Variants in GALNTL6 observed in about 807,000 individuals in gnomAD.
GALNTL6 encodes polypeptide N-acetylgalactosaminyltransferase-like 6.
GALNTL6 carries 46 observed loss-of-function variants against 73.7 expected under a neutral mutation model. The ratio of observed to expected loss-of-function variants is 0.62; its 90% CI spans 0.49 to 0.80. GALNTL6 has a LOEUF of 0.80. GALNTL6 is among the 30% of genes least tolerant of loss of function. The pLI, the probability that GALNTL6 is intolerant of heterozygous loss-of-function variation, is 0.00. For synonymous variants in GALNTL6, 259 were observed against 263.7 expected (o/e 0.98, Z 0.17); for missense variants, 604 against 755.0 (o/e 0.80, Z 2.34).
intron 5 of GALNTL6, among the ~76,000 whole-genome samples, chr4:172,357,675 C>CAT (rs5864130): frequency 0.95 from 143,164 of 149,984 alleles, 68,491 homozygotes; most frequent in East Asian, 1. Context: ...ACACGGAATT[C>CAT]ATATATATAT....
At chr4:172,405,313 ATACT>A (rs1744169160) in intron 5 of GALNTL6, among the ~76,000 whole-genome samples, 1 of 147,662 alleles carries the variant, frequency 6.8e-6, no homozygotes, top group African/African-American at 2.5e-5. Context: ...TATATACTTA[ATACT>A]TATATATATA....
chr4:172,271,026 C>T (rs1464813574), intron 3 of GALNTL6, among the ~76,000 whole-genome samples: 1 of 152,058 alleles, frequency 6.6e-6, no homozygotes, highest in Admixed American at 6.6e-5. Context: ...CCCAGACAGT[C>T]TGAAGTAGTT....
intron 2 of GALNTL6, among the ~76,000 whole-genome samples, chr4:172,103,855 T>C (rs1732593339): frequency 6.6e-6 from 1 of 152,200 alleles, no homozygotes; most frequent in Non-Finnish European, 1.5e-5. Context: ...CCTGATCCCC[T>C]CTTGGGCCTC....
intron 5 of GALNTL6, among the ~76,000 whole-genome samples, chr4:172,634,744 A>G (rs1739583591): frequency 6.6e-6 from 1 of 152,206 alleles, no homozygotes; most frequent in African/African-American, 2.4e-5. Flanking sequence ...CCTGTTTTGT[A>G]CCAAGAATTA....
At chr4:171,908,301 A>G (rs1378970585) in intron 2 of GALNTL6, among the ~76,000 whole-genome samples, 2 of 141,792 alleles carry the variant, frequency 1.4e-5, no homozygotes, top group African/African-American at 6.2e-5. Context: ...ATTTACAAGA[A>G]AAAAAACAAA....
intron 2 of GALNTL6, among the ~76,000 whole-genome samples, chr4:172,074,440 C>T (rs1394437887): frequency 2.0e-5 from 3 of 152,176 alleles, no homozygotes; most frequent in Non-Finnish European, 4.4e-5. Context: ...AGTGACATCT[C>T]GTGTCACAAT....
intron 5 of GALNTL6, among the ~76,000 whole-genome samples, chr4:172,371,935 TC>T (rs1267223970): frequency 6.6e-6 from 1 of 152,216 alleles, no homozygotes; most frequent in African/African-American, 2.4e-5. Context: ...GAACCCCCTT[TC>T]TTTCCATATT....
chr4:172,805,286 G>A (rs1047256071), intron 5 of GALNTL6, among the ~76,000 whole-genome samples: 3 of 152,018 alleles, frequency 2.0e-5, no homozygotes, highest in Non-Finnish European at 4.4e-5. Flanking sequence ...CTAATGAATG[G>A]TTATTCTCCA....
At position 173,024,119 on chromosome 4, in the gene GALNTL6, ACTAATACACAGAG is replaced by A. The variant is rs543998255; in HGVS notation, c.1638+2497_1638+2509del. On this transcript the variant is annotated intron_variant, in intron 12 of 12. Coordinates refer to ENST00000506823, the MANE Select transcript of GALNTL6 (RefSeq NM_001034845.3). ...AAAAGTTTACAGATGGATAAGAACAACTAATACACAGAGCTCCTGGGGAGAAAAAAAACTGGCT... is the reference window on the plus strand; with the variant it reads ...AAAAGTTTACAGATGGATAAGAACAACTCCTGGGGAGAAAAAAAACTGGCT... Among the ~76,000 whole-genome samples, 26 of 152,328 alleles carry A rather than the reference ACTAATACACAGAG, an allele frequency of 1.7e-4. No individual in the cohort carries two copies. In the Middle Eastern group the frequency reaches 0.01, roughly 60 times the overall value.
chr4:172,758,829 A>G (rs1737902513), intron 5 of GALNTL6, among the ~76,000 whole-genome samples: 1 of 152,202 alleles, frequency 6.6e-6, no homozygotes, highest in African/African-American at 2.4e-5. Flanking sequence ...CTGAGTTATC[A>G]GATCATAGTA....
At chr4:172,488,009 G>A (rs1379514816) in intron 5 of GALNTL6, among the ~76,000 whole-genome samples, 3 of 152,056 alleles carry the variant, frequency 2.0e-5, no homozygotes, top group Admixed American at 2.0e-4. Context: ...TTATTATTTT[G>A]AATAATGATA....
chr4:171,842,563 G>A (rs1038018412), intron 2 of GALNTL6, among the ~76,000 whole-genome samples: 3 of 152,046 alleles, frequency 2.0e-5, no homozygotes, highest in Non-Finnish European at 4.4e-5. Context: ...CTTCTGGTGA[G>A]GCCTCAGGAA....
chr4:172,034,639 G>A (rs975260185), intron 2 of GALNTL6, among the ~76,000 whole-genome samples: 2 of 151,994 alleles, frequency 1.3e-5, no homozygotes, highest in Non-Finnish European at 2.9e-5. Flanking sequence ...CAAGCAAAAT[G>A]TTTCCAAGTC....
chr4:172,673,360 T>A (rs1732097572), intron 5 of GALNTL6, among the ~76,000 whole-genome samples: 1 of 152,196 alleles, frequency 6.6e-6, no homozygotes, highest in Admixed American at 6.5e-5. Flanking sequence ...TTTCGGTTCT[T>A]TTGCATTTGC....
At chr4:172,647,117 G>T (rs970623892) in intron 5 of GALNTL6, among the ~76,000 whole-genome samples, 6 of 152,024 alleles carry the variant, frequency 3.9e-5, no homozygotes, top group Admixed American at 2.0e-4. Context: ...CACCACACAA[G>T]ATGTCCTTAA....
Position 172,876,689 on chromosome 4 carries a change from T to TA in GALNTL6, c.924-6095dup, listed in dbSNP as rs553169515. 2.2e-4 allele frequency among the ~76,000 whole-genome samples: 34 copies of TA among 152,262 alleles called. No homozygotes were observed. The East Asian group carries it at 2.3e-3, about 10-fold the overall frequency. On this transcript the variant is annotated intron_variant, in intron 7 of 12. Transcript: ENST00000506823. ...GACACCATAAAAAGTAAACAAATTATAAAAAATGGTAATTTCTAGACATGA... is the reference window on the plus strand; with the variant it reads ...GACACCATAAAAAGTAAACAAATTATAAAAAAATGGTAATTTCTAGACATGA...
chr4:172,512,490 G>T (rs1399600515), intron 5 of GALNTL6, among the ~76,000 whole-genome samples: 1 of 152,028 alleles, frequency 6.6e-6, no homozygotes, highest in Non-Finnish European at 1.5e-5. Context: ...GCTAGTTGTT[G>T]CTTGAATACT....
intron 5 of GALNTL6, among the ~76,000 whole-genome samples, chr4:172,364,281 A>G (rs1164989603): frequency 1.3e-5 from 2 of 152,096 alleles, no homozygotes; most frequent in African/African-American, 2.4e-5. Flanking sequence ...AAGTTAGTCC[A>G]TTCTGGTGGC....
intron 5 of GALNTL6, among the ~76,000 whole-genome samples, chr4:172,452,026 A>C (rs2111423900): frequency 6.6e-6 from 1 of 152,270 alleles, no homozygotes; most frequent in Non-Finnish European, 1.5e-5. Context: ...TAAATAAATA[A>C]AATTTTAAAA....
Sources: gnomAD v4.1 joint callset for allele counts (sites outside exome capture counted in the v4.1 genomes callset) on GRCh38, gnomAD v4.1.1 for gene constraint, MANE v1.5 for transcripts, NCBI Gene and HGNC (gene_info 2026-07-23, HGNC 2026-07-21) for gene names.